Variants in KIF13B observed in about 807,000 individuals in gnomAD.
KIF13B encodes kinesin-like protein KIF13B.
A neutral mutation model predicts 222.0 loss-of-function variants in KIF13B; 127 were observed. The observed-to-expected ratio is 0.57, with a 90% confidence interval of 0.50 to 0.66. KIF13B has a LOEUF of 0.66. KIF13B is among the 30% of genes least tolerant of loss of function. KIF13B has a pLI of 0.00. For synonymous variants in KIF13B, 976 were observed against 919.0 expected (o/e 1.06, Z -1.12); for missense variants, 2,173 against 2,379.0 (o/e 0.91, Z 1.80).
rs141072045 is a variant in KIF13B, at chr8:29,250,183, T to C, written c.56-4744A>G. The C allele has an allele frequency of 7.8e-6, 4 of 515,534 alleles. No homozygotes were observed. In the East Asian group the frequency reaches 2.1e-4, roughly 27 times the overall value. The allele number at this position is 515,534 out of a possible 1,614,324, so 31.9% of individuals were successfully genotyped here. A position where few individuals can be genotyped will look rare whatever the true frequency, so the allele number is the denominator to read the frequency against. On this transcript the variant is annotated intron_variant, in intron 1 of 39. Transcript: ENST00000524189. ...ATTAGTTTCTTGCAAGAACATTTCG[T>C]CTGCACAGAAGAACTCTAAGTGCCG...
intron 3 of KIF13B, among the ~76,000 whole-genome samples, chr8:29,193,507 T>A (rs1813280596): frequency 1.3e-5 from 2 of 152,196 alleles, no homozygotes; most frequent in African/African-American, 4.8e-5. Context: ...TCTCCATAAT[T>A]TTATTTAATT....
intron 2 of KIF13B, among the ~76,000 whole-genome samples, chr8:29,198,656 A>G (rs1813548003): frequency 6.6e-6 from 1 of 152,210 alleles, no homozygotes; most frequent in Admixed American, 6.5e-5. Flanking sequence ...AAGTAGATCA[A>G]CCATTTGATC....
chr8:29,168,091 A>G (rs1473945027), intron 10 of KIF13B, among the ~76,000 whole-genome samples: 1 of 152,238 alleles, frequency 6.6e-6, no homozygotes, highest in African/African-American at 2.4e-5. Flanking sequence ...TTTTTAAAAC[A>G]TAAGGTACAA....
chr8:29,231,457 T>C (rs1167784580), intron 2 of KIF13B, among the ~76,000 whole-genome samples: 1 of 152,220 alleles, frequency 6.6e-6, no homozygotes, highest in Non-Finnish European at 1.5e-5. Context: ...AGTGTGGCCA[T>C]GACTGGCCGA....
intron 2 of KIF13B, among the ~76,000 whole-genome samples, chr8:29,225,722 T>C (rs991226789): frequency 4.6e-5 from 7 of 152,212 alleles, no homozygotes; most frequent in South Asian, 2.1e-4. Context: ...AACTAAAGAA[T>C]GTTCGTCTGG....
chr8:29,109,892 C>T (rs1003720414), intron 33 of KIF13B, 26 bp downstream of exon 33: 5 of 1,610,168 alleles, frequency 3.1e-6, no homozygotes, highest in African/African-American at 2.7e-5. Context: ...CCTCTGCTGC[C>T]CGCCCTATCC....
chr8:29,099,975 T>C (rs1420034751), intron 35 of KIF13B, among the ~76,000 whole-genome samples: 1 of 152,224 alleles, frequency 6.6e-6, no homozygotes. Flanking sequence ...AGAGGGTGTC[T>C]CTTCTCTCTA....
chr8:29,075,187 C>T, intron 38 of KIF13B, 94 bp downstream of exon 38: 1 of 929,244 alleles, frequency 1.1e-6, no homozygotes, highest in Non-Finnish European at 1.7e-6. Flanking sequence ...GGAATGCTAA[C>T]ATCAAAAACT....
In KIF13B at chr8:29,177,662, G is replaced by A. The variant is rs556989343; in HGVS notation, c.721-84C>T. On this transcript the variant is annotated intron_variant, in intron 8 of 39. Coordinates refer to ENST00000524189, the MANE Select transcript of KIF13B (RefSeq NM_015254.4). ...CATGCCAGTAATCCCAGCACTTTGG[G>A]AGGACAAGGAAGGAGGATCACCTGA... is the stretch of plus-strand genomic sequence containing the variant. 1.6e-4 allele frequency: 147 copies of A among 913,942 alleles called. 1 individual carries two copies. In the African/African-American group the frequency reaches 1.8e-3, roughly 11 times the overall value. The allele number at this position is 913,942 out of a possible 1,614,324, so 56.6% of individuals were successfully genotyped here. A position where few individuals can be genotyped will look rare whatever the true frequency, so the allele number is the denominator to read the frequency against.
chr8:29,075,945 G>A (rs1176398707), intron 37 of KIF13B, among the ~76,000 whole-genome samples: 3 of 152,188 alleles, frequency 2.0e-5, no homozygotes, highest in East Asian at 1.9e-4. Context: ...CAACATGACC[G>A]GAAGAATATT....
At chr8:29,157,261 A>C (rs1057048724) in intron 13 of KIF13B, among the ~76,000 whole-genome samples, 1 of 151,794 alleles carries the variant, frequency 6.6e-6, no homozygotes, top group African/African-American at 2.4e-5. Context: ...TCCCCTATTT[A>C]AAACCTTCTA....
chr8:29,078,554 ACCT>A (rs1389738705), intron 37 of KIF13B, among the ~76,000 whole-genome samples: 1 of 152,090 alleles, frequency 6.6e-6, no homozygotes, highest in Non-Finnish European at 1.5e-5. Context: ...GCAGGCAGTC[ACCT>A]CCTATTTCAG....
chr8:29,123,104 G>C (rs1186510746), intron 28 of KIF13B, among the ~76,000 whole-genome samples: 1 of 152,156 alleles, frequency 6.6e-6, no homozygotes, highest in Non-Finnish European at 1.5e-5. Context: ...TTTTCTTAAT[G>C]CTAAGTGCAG....
At chr8:29,191,426 A>G (rs1813182521) in intron 3 of KIF13B, among the ~76,000 whole-genome samples, 1 of 152,240 alleles carries the variant, frequency 6.6e-6, no homozygotes. Context: ...TATTTTTTAA[A>G]TAACATTTAA....
intron 1 of KIF13B, among the ~76,000 whole-genome samples, chr8:29,257,043 C>T (rs1438216783): frequency 6.6e-6 from 1 of 152,150 alleles, no homozygotes; most frequent in Admixed American, 6.5e-5. Flanking sequence ...GGGTGAGCCA[C>T]CACACCTGGC....
intron 7 of KIF13B, among the ~76,000 whole-genome samples, chr8:29,180,763 T>C (rs910595520): frequency 2.0e-5 from 3 of 151,692 alleles, no homozygotes; most frequent in African/African-American, 4.9e-5. Flanking sequence ...TTGCTACTAC[T>C]ACTAAAAAAG....
intron 5 of KIF13B, 36 bp from the exon 6 acceptor site, chr8:29,186,508 T>C (rs774291853): frequency 1.9e-5 from 29 of 1,544,274 alleles, no homozygotes; most frequent in Non-Finnish European, 2.5e-5. Context: ...TATTGTCTCT[T>C]TGAGACGTTA....
intron 2 of KIF13B, among the ~76,000 whole-genome samples, chr8:29,232,390 C>T (rs892848432): frequency 1.3e-5 from 2 of 149,156 alleles, no homozygotes; most frequent in Non-Finnish European, 3.0e-5. Flanking sequence ...TGGGCAACCA[C>T]AGCAAGACCC....
At chr8:29,151,168 A>G (rs1343150826) in intron 14 of KIF13B, among the ~76,000 whole-genome samples, 1 of 152,218 alleles carries the variant, frequency 6.6e-6, no homozygotes, top group East Asian at 1.9e-4. Flanking sequence ...ACCCAGCCAC[A>G]ATATTCCCTC....
Sources: gnomAD v4.1 joint callset for allele counts (sites outside exome capture counted in the v4.1 genomes callset) on GRCh38, gnomAD v4.1.1 for gene constraint, MANE v1.5 for transcripts, NCBI Gene and HGNC (gene_info 2026-07-23, HGNC 2026-07-21) for gene names.